The following TJP1 variants were observed in gnomAD, a reference collection of about 807,000 sequenced individuals.
TJP1 encodes tight junction protein ZO-1.
A neutral mutation model predicts 194.2 loss-of-function variants in TJP1; 43 were observed. That is an observed-to-expected ratio of 0.22 (90% CI 0.17 to 0.29). The LOEUF (loss-of-function observed/expected upper bound fraction) is 0.29, where lower values mean the gene tolerates loss of function less well. Ranked by LOEUF, TJP1 falls within the 10% of genes least tolerant of loss-of-function variation. TJP1 has a pLI of 1.00. For missense variants in TJP1, 1,971 were observed against 2,185.7 expected (o/e 0.90, Z 1.96); for synonymous variants, 801 against 779.0 (o/e 1.03, Z -0.47).
chr15:29,830,308 GAAT>G (rs777579921), intron 2 of TJP1, among the ~76,000 whole-genome samples: 34 of 150,226 alleles, frequency 2.3e-4, no homozygotes, highest in Non-Finnish European at 4.3e-4. Flanking sequence ...ACACATGTCA[GAAT>G]AATATTATTT....
intron 26 of TJP1, 131 bp from the exon 27 acceptor site, chr15:29,704,436 C>T: frequency 9.4e-7 from 1 of 1,068,688 alleles, no homozygotes; most frequent in Non-Finnish European, 1.2e-6. Context: ...GTCGCACTGA[C>T]CACAAAAAAA....
At chr15:29,883,221 A>T (rs1292856519) in intron 2 of TJP1, among the ~76,000 whole-genome samples, 1 of 152,178 alleles carries the variant, frequency 6.6e-6, no homozygotes, top group Non-Finnish European at 1.5e-5. Flanking sequence ...AAAGTAAAAG[A>T]TTTCTTCCAA....
chr15:29,879,379 C>T (rs2052840745), intron 2 of TJP1, among the ~76,000 whole-genome samples: 1 of 152,206 alleles, frequency 6.6e-6, no homozygotes, highest in African/African-American at 2.4e-5. Context: ...TGGACAGACG[C>T]CTCCCTATCC....
At chr15:29,744,988 C>T (rs1011079055) in intron 8 of TJP1, among the ~76,000 whole-genome samples, 12 of 151,846 alleles carry the variant, frequency 7.9e-5, no homozygotes, top group African/African-American at 2.7e-4. Flanking sequence ...AAGATTAGTT[C>T]GACATTAGGA....
At chr15:29,921,875 G>T (rs1274483535) in intron 2 of TJP1, among the ~76,000 whole-genome samples, 7 of 133,982 alleles carry the variant, frequency 5.2e-5, no homozygotes, top group South Asian at 2.4e-4. Context: ...ACGGAGTTTT[G>T]CTCTCGTTGC....
chr15:29,734,234 T>C, intron 12 of TJP1, 40 bp downstream of exon 12: 1 of 1,399,150 alleles, frequency 7.1e-7, no homozygotes, highest in Non-Finnish European at 9.8e-7. Flanking sequence ...GTCCTCAAAC[T>C]CTACAGGTTT....
rs553474438 is a variant in TJP1 at position 29,924,949 on chromosome 15, G to A, written c.306+31283C>T. ...ACTTAGCTTTTGCTGAAATGCTGGG[G>A]CAGGAAGTCTCCCAGAATGCAGTGG... is the stretch of plus-strand genomic sequence containing the variant. On this transcript the variant is annotated intron_variant, in intron 2 of 28. Transcript: ENST00000356107. 5.9e-5 allele frequency among the ~76,000 whole-genome samples: 9 copies of A among 152,326 alleles called. 1 individual carries two copies. The highest frequency in any genetic ancestry group is 7.3e-5 in the Non-Finnish European group (5 of 68,030).
At chr15:29,891,173 G>C (rs1424649115) in intron 2 of TJP1, among the ~76,000 whole-genome samples, 1 of 152,240 alleles carries the variant, frequency 6.6e-6, no homozygotes, top group Non-Finnish European at 1.5e-5. Flanking sequence ...GAATGGATGT[G>C]AGGTGGCCTT....
intron 2 of TJP1, among the ~76,000 whole-genome samples, chr15:29,837,054 G>T (rs1052046581): frequency 5.9e-5 from 9 of 152,178 alleles, no homozygotes; most frequent in Admixed American, 1.3e-4. Flanking sequence ...AAACATAAAA[G>T]AAGTAATTAC....
intron 2 of TJP1, among the ~76,000 whole-genome samples, chr15:29,774,400 T>G (rs183045493): frequency 5.5e-4 from 84 of 152,272 alleles, no homozygotes; most frequent in Middle Eastern, 3.4e-3. Context: ...GTGATATATA[T>G]CCATACAATG....
At chr15:29,740,593 C>T (rs921215372) in intron 10 of TJP1, among the ~76,000 whole-genome samples, 3 of 151,602 alleles carry the variant, frequency 2.0e-5, no homozygotes, top group Admixed American at 1.3e-4. Flanking sequence ...GATTGCACCA[C>T]GGCACTCCAG....
Position 29,761,724 on chromosome 15 carries a change from T to A in TJP1, c.739A>T (p.Thr247Ser). ...TENMSLTDAK[T>S]LIERSKGKLK... The stretch of plus-strand genomic sequence containing the variant: ...TTGCCTTTAGACCTTTCTATCAATG[T>A]CTTTGCATCTGTCAATGACATATTT... Residue 247 changes from threonine (T) to serine (S), a missense_variant, in exon 7 of 28, where the codon ACA becomes TCA. Coordinates refer to ENST00000614355, the MANE Select transcript of TJP1 (RefSeq NM_001330239.4). 1 of 1,596,140 alleles carries A rather than the reference T, an allele frequency of 6.3e-7. No individual in the cohort carries two copies. Among genetic ancestry groups the A allele is most frequent in the Non-Finnish European group, 8.6e-7 (1 of 1,165,854 alleles).
At chr15:29,849,257 G>T (rs1467629504) in intron 2 of TJP1, among the ~76,000 whole-genome samples, 1 of 152,006 alleles carries the variant, frequency 6.6e-6, no homozygotes, top group Non-Finnish European at 1.5e-5. Flanking sequence ...TTACATGTAT[G>T]TTTGTTTTAA....
At chr15:29,744,860 G>A (rs754001529) in intron 8 of TJP1, among the ~76,000 whole-genome samples, 2 of 152,028 alleles carry the variant, frequency 1.3e-5, no homozygotes, top group African/African-American at 4.8e-5. Flanking sequence ...AGTACAAAGA[G>A]AGAAAATAAT....
chr15:29,801,860 A>G (rs1878206418), intron 1 of TJP1, among the ~76,000 whole-genome samples: 2 of 151,998 alleles, frequency 1.3e-5, no homozygotes, highest in South Asian at 2.1e-4. Context: ...CATAAAATAC[A>G]CTAACACTAA....
chr15:29,965,431 C>G lies in TJP1; in HGVS notation c.173+3236G>C, dbSNP rs56859685. ...TTCACCATATTGACCAGGCTGGTAT[C>G]GACCTCCTGACCTCAAGTGGTCCAC... On this transcript the variant is annotated intron_variant, in intron 1 of 28. Transcript: ENST00000356107. 2.6e-5 allele frequency among the ~76,000 whole-genome samples: 4 copies of G among 151,960 alleles called. No homozygotes were observed. The East Asian group carries it at 5.8e-4, about 22-fold the overall frequency.
At chr15:29,856,389 C>T (rs760552537) in intron 2 of TJP1, among the ~76,000 whole-genome samples, 24 of 152,072 alleles carry the variant, frequency 1.6e-4, no homozygotes, top group Non-Finnish European at 3.1e-4. Flanking sequence ...TTAAAATGTT[C>T]AGAACAGATA....
At chr15:29,822,730 T>C (rs2050506848), upstream of TJP1, 1 of 154,198 alleles carries the variant, frequency 6.5e-6, no homozygotes, top group African/African-American at 2.4e-5. Flanking sequence ...AGAAAGCGCC[T>C]GTGCACCAAA....
chr15:29,860,763 G>A (rs2052048336), intron 2 of TJP1, among the ~76,000 whole-genome samples: 2 of 152,146 alleles, frequency 1.3e-5, no homozygotes, highest in Non-Finnish European at 2.9e-5. Flanking sequence ...GATTTAATGA[G>A]CTTTGCAGAC....
Sources: gnomAD v4.1 joint callset for allele counts (sites outside exome capture counted in the v4.1 genomes callset) on GRCh38, gnomAD v4.1.1 for gene constraint, MANE v1.5 for transcripts, NCBI Gene and HGNC (gene_info 2026-07-23, HGNC 2026-07-21) for gene names.